NMNAT3: variants seen among roughly 807,000 people sequenced by gnomAD.
NMNAT3 encodes nicotinamide nucleotide adenylyltransferase 3, also known as nicotinamide/nicotinic acid mononucleotide adenylyltransferase 3.
NMNAT3 carries 21 observed loss-of-function variants against 24.8 expected under a neutral mutation model. The observed-to-expected ratio is 0.85, with a 90% CI of 0.60 to 1.22. The LOEUF (loss-of-function observed/expected upper bound fraction) is 1.22, where lower values mean the gene tolerates loss of function less well. Ranked by LOEUF, NMNAT3 falls within the 50% of genes most tolerant of loss-of-function variation. NMNAT3 has a pLI of 0.00. For synonymous variants in NMNAT3, 136 were observed against 155.2 expected (o/e 0.88, Z 0.92); for missense variants, 387 against 436.6 (o/e 0.89, Z 1.01).
chr3:139,627,946 C>T (rs763758343), intron 2 of NMNAT3, among the ~76,000 whole-genome samples, 182 bp from the exon 4 acceptor site: 4 of 152,198 alleles, frequency 2.6e-5, no homozygotes, highest in Non-Finnish European at 5.9e-5. Context: ...TATGCCAAGG[C>T]GTATCCTTCT....
chr3:139,646,088 G>C (rs1432915803), intron 1 of NMNAT3, among the ~76,000 whole-genome samples: 19 of 152,136 alleles, frequency 1.2e-4, no homozygotes, highest in Admixed American at 1.2e-3. Context: ...GGATGTAGGT[G>C]GGGTGGGGGC....
intron 6 of NMNAT3, chr3:139,567,012 ATTTG>A (rs1937339079): frequency 6.6e-6 from 1 of 151,392 alleles, no homozygotes; most frequent in Non-Finnish European, 1.5e-5. Flanking sequence ...ATGTTCTTCC[ATTTG>A]TTTGTATCCT....
chr3:139,605,310 C>G (rs2054893949), intron 3 of NMNAT3, among the ~76,000 whole-genome samples: 1 of 152,226 alleles, frequency 6.6e-6, no homozygotes, highest in Admixed American at 6.5e-5. Context: ...CAAATACATG[C>G]AAACATATGT....
At chr3:139,630,400 G>A (rs1251524672) in intron 2 of NMNAT3, among the ~76,000 whole-genome samples, 5 of 152,168 alleles carry the variant, frequency 3.3e-5, no homozygotes, top group African/African-American at 1.2e-4. Flanking sequence ...TTGGGAGGGT[G>A]GAAGGCTGCT....
chr3:139,673,044 C>T (rs2057808501), intron 1 of NMNAT3, among the ~76,000 whole-genome samples: 2 of 152,118 alleles, frequency 1.3e-5, no homozygotes, highest in Non-Finnish European at 2.9e-5. Context: ...GTCAGCAGTG[C>T]CCTTCTTTCC....
intron 3 of NMNAT3, among the ~76,000 whole-genome samples, chr3:139,607,672 C>T (rs2055007212): frequency 6.6e-6 from 1 of 151,794 alleles, no homozygotes; most frequent in African/African-American, 2.4e-5. Context: ...AGTTTTCTGG[C>T]ATGTGATCCC....
chr3:139,620,635 A>G (rs1273986941), intron 3 of NMNAT3, among the ~76,000 whole-genome samples: 1 of 152,206 alleles, frequency 6.6e-6, no homozygotes, highest in Non-Finnish European at 1.5e-5. Context: ...TTCATGCACA[A>G]GTATTTGCAT....
intron 1 of NMNAT3, among the ~76,000 whole-genome samples, chr3:139,667,496 G>A (rs1331776978): frequency 6.6e-6 from 1 of 152,022 alleles, no homozygotes; most frequent in African/African-American, 2.4e-5. Context: ...CTTCATATAG[G>A]CTTGTTATTA....
chr3:139,566,346 TGCA>T (rs1332067199), intron 6 of NMNAT3: 16 of 152,292 alleles, frequency 1.1e-4, no homozygotes, highest in Admixed American at 6.5e-5. Context: ...TCTTTTGCTG[TGCA>T]GAAGCTCTTT....
Position 139,646,876 on chromosome 3 carries a change from G to A in NMNAT3, c.-140-8814C>T, listed in dbSNP as rs1437222849. 2.0e-5 allele frequency among the ~76,000 whole-genome samples: 3 copies of A among 152,210 alleles called. No homozygotes were observed. The East Asian group carries it at 5.8e-4, about 29-fold the overall frequency. ...GAGACATAATGTCAGTTAAATGTAC[G>A]CTCACGAACCTTATCCTTGTATTTG... On this transcript the variant is annotated intron_variant, in intron 1 of 6. Coordinates refer to ENST00000643695, the MANE Select transcript of NMNAT3 (RefSeq NM_001320510.2).
At chr3:139,608,180 A>G (rs1349630794) in intron 3 of NMNAT3, among the ~76,000 whole-genome samples, 2 of 152,188 alleles carry the variant, frequency 1.3e-5, no homozygotes, top group Non-Finnish European at 2.9e-5. Flanking sequence ...TTAACCCTGG[A>G]GCTGCCTCCT....
chr3:139,576,939 C>T (rs553194523), intron 5 of NMNAT3, among the ~76,000 whole-genome samples: 171 of 152,064 alleles, frequency 1.1e-3, no homozygotes, highest in Admixed American at 4.3e-3. Flanking sequence ...TGCCTGTAAT[C>T]CCAGCTACTT....
intron 3 of NMNAT3, among the ~76,000 whole-genome samples, chr3:139,613,815 A>G (rs2055347213): frequency 1.3e-5 from 2 of 152,196 alleles, no homozygotes; most frequent in South Asian, 4.2e-4. Flanking sequence ...ATAAAAAATG[A>G]TGAGTTCATG....
intron 4 of NMNAT3, among the ~76,000 whole-genome samples, chr3:139,581,943 C>T (rs1158305548): frequency 6.6e-6 from 1 of 151,630 alleles, no homozygotes; most frequent in Admixed American, 6.6e-5. Flanking sequence ...GCCTGTAATC[C>T]CAGCACTTTG....
chr3:139,663,375 T>C (rs1461651316), intron 1 of NMNAT3, among the ~76,000 whole-genome samples: 1 of 152,212 alleles, frequency 6.6e-6, no homozygotes, highest in Non-Finnish European at 1.5e-5. Flanking sequence ...TCTGCAATCT[T>C]AATGCCCCCA....
intron 3 of NMNAT3, among the ~76,000 whole-genome samples, chr3:139,586,156 T>A (rs2053930500): frequency 6.6e-6 from 1 of 152,176 alleles, no homozygotes; most frequent in Non-Finnish European, 1.5e-5. Context: ...TTCTCACTTC[T>A]AAGTGGAAGC....
At chr3:139,652,337 T>G (rs2057083027) in intron 1 of NMNAT3, among the ~76,000 whole-genome samples, 1 of 152,188 alleles carries the variant, frequency 6.6e-6, no homozygotes, top group Non-Finnish European at 1.5e-5. Context: ...AGAATAAGCA[T>G]TTGCACTGAC....
Position 139,573,688 on chromosome 3 carries a change from G to A in NMNAT3, c.576-8C>T. The A allele has an allele frequency of 1.9e-6, 3 of 1,549,774 alleles. No individual in the cohort carries two copies. The highest frequency in any genetic ancestry group is 2.6e-6 in the Non-Finnish European group (3 of 1,138,182). On this transcript the variant is annotated splice_region_variant and splice_polypyrimidine_tract_variant and intron_variant, in intron 5 of 6. Transcript: ENST00000643695. ...AGTTTGCTGTGATGATGCCTGTGTT[G>A]TAAACATATGGGCTCAGGGTATGTC... is the stretch of plus-strand genomic sequence containing the variant.
chr3:139,650,741 A>C (rs2057029545), intron 1 of NMNAT3, among the ~76,000 whole-genome samples: 1 of 152,220 alleles, frequency 6.6e-6, no homozygotes, highest in Non-Finnish European at 1.5e-5. Context: ...TGGAAGATGC[A>C]GGAGATCCCT....
Sources: gnomAD v4.1 joint callset for allele counts (sites outside exome capture counted in the v4.1 genomes callset) on GRCh38, gnomAD v4.1.1 for gene constraint, MANE v1.5 for transcripts, NCBI Gene and HGNC (gene_info 2026-07-23, HGNC 2026-07-21) for gene names.